The following BMI1 variants were observed in gnomAD, a reference collection of about 807,000 sequenced individuals.
BMI1 encodes the protein polycomb complex protein BMI-1.
In BMI1, 9 loss-of-function variants were observed where a neutral mutation model predicts 39.1. The ratio of observed to expected loss-of-function variants is 0.23; its 90% CI spans 0.14 to 0.40. The LOEUF (loss-of-function observed/expected upper bound fraction) is 0.40. Among genes scored for constraint, BMI1 ranks in the 10% least tolerant of loss-of-function variants. The pLI is 1.00. For missense variants in BMI1, 252 were observed against 390.8 expected, an observed-to-expected ratio of 0.64 and a Z score of 2.99; for synonymous variants, 131 against 127.9, an observed-to-expected ratio of 1.02 and a Z score of -0.16.
At chr10:22,322,631 ACTT>A (rs1836035228) in intron 1 of BMI1, among the ~76,000 whole-genome samples, 1 of 151,922 alleles carries the variant, frequency 6.6e-6, no homozygotes, top group African/African-American at 2.4e-5. Flanking sequence ...CTTTCTCACT[ACTT>A]CTTTTTCTCC....
chr10:22,322,847 A>G (rs1162912291), intron 1 of BMI1, among the ~76,000 whole-genome samples: 1 of 152,216 alleles, frequency 6.6e-6, no homozygotes, highest in Non-Finnish European at 1.5e-5. Flanking sequence ...CTTGACAGTG[A>G]TATGGCATGA....
chr10:22,329,271 G>GTCA lies in BMI1; in HGVS notation c.711_713dup (p.His238dup). 6.2e-7 allele frequency: 1 copy of GTCA among 1,614,156 alleles called. No individual in the cohort carries two copies. Among genetic ancestry groups the GTCA allele is most frequent in the Non-Finnish European group, 8.5e-7 (1 of 1,180,020 alleles). On this transcript the variant is annotated inframe_insertion, in exon 10 of 10. Coordinates refer to ENST00000376663, the MANE Select transcript of BMI1 (RefSeq NM_005180.9). ...CCTACTTGTAAAAGAATGAAGATCA[G>GTCA]TCACCAGAGAGATGGACTGACAAAT...
chr10:22,326,757 C>T, intron 2 of BMI1, 133 bp from the exon 3 acceptor site: 2 of 1,328,676 alleles, frequency 1.5e-6, no homozygotes, highest in Non-Finnish European at 2.1e-6. Flanking sequence ...TATGTGTTCT[C>T]AGGATATGAA....
chr10:22,327,502 A>T (rs996205856), intron 3 of BMI1, 93 bp from the exon 4 acceptor site: 19 of 1,297,130 alleles, frequency 1.5e-5, no homozygotes, highest in Admixed American at 4.7e-5. Context: ...ATCAAGTAAA[A>T]TATTATAGCA....
At position 22,329,042 on chromosome 10, in the gene BMI1, C is replaced by T; in HGVS notation, c.571-6C>T. The T allele has an allele frequency of 6.3e-7, 1 of 1,585,858 alleles. No individual in the cohort carries two copies. Among genetic ancestry groups the T allele is most frequent in the Non-Finnish European group, 8.6e-7 (1 of 1,169,286 alleles). On this transcript the variant is annotated splice_region_variant and splice_polypyrimidine_tract_variant and intron_variant, in intron 8 of 9. Coordinates refer to ENST00000376663, the MANE Select transcript of BMI1 (RefSeq NM_005180.9). ...TTTATTACTTAATAAAAATATTTTT[C>T]ACTAGATTGATGTCATGTATGAGGA...
At chr10:22,326,835 A>G in intron 2 of BMI1, 55 bp from the exon 3 acceptor site, 9 of 1,595,390 alleles carry the variant, frequency 5.6e-6, no homozygotes, top group Non-Finnish European at 6.0e-6. Context: ...TCTAACACCA[A>G]TGATTTATCC....
At chr10:22,323,918 A>G (rs1360402199) in intron 1 of BMI1, among the ~76,000 whole-genome samples, 1 of 152,274 alleles carries the variant, frequency 6.6e-6, no homozygotes, top group African/African-American at 2.4e-5. Context: ...TTCAAAGGGC[A>G]TAAAAACATA....
intron 1 of BMI1, among the ~76,000 whole-genome samples, chr10:22,322,817 T>C (rs893837613): frequency 6.6e-6 from 1 of 152,216 alleles, no homozygotes; most frequent in Non-Finnish European, 1.5e-5. Context: ...TGATTGCATA[T>C]GTTTACGCAG....
In BMI1 at chr10:22,327,887, CTT is replaced by C. The variant is rs1836195125; in HGVS notation, c.317-62_317-61del. The stretch of plus-strand genomic sequence containing the variant: ...AAATTGACTTTACCACTTCCATCCT[CTT>C]ATATATAAAATTTATTAGGCATCTG... On this transcript the variant is annotated intron_variant, in intron 5 of 9. Transcript: ENST00000376663. 5.0e-6 allele frequency: 8 copies of C among 1,584,692 alleles called. No homozygotes were observed. The South Asian group carries it at 5.8e-5, about 12-fold the overall frequency.
At position 22,326,904 on chromosome 10, in the gene BMI1, A is replaced by G. The variant is rs1023927369; in HGVS notation, c.127A>G (p.Ile43Val). The change falls in exon 3 of 10, where the codon ATT becomes GTT. Residue 43 changes from isoleucine to valine, a missense_variant. Coordinates refer to ENST00000376663, the MANE Select transcript of BMI1 (RefSeq NM_005180.9). Reference sequence around the variant, plus strand: ...TCTACTTCTAGTCTGTAAAACGTGTATTGTTCGTTACCTGGAGACCAGCAA... The same window carrying G: ...TCTACTTCTAGTCTGTAAAACGTGTGTTGTTCGTTACCTGGAGACCAGCAA... ...ECLHSFCKTC[I>V]VRYLETSKYC... The G allele has an allele frequency of 1.2e-6, 2 of 1,614,042 alleles. No individual in the cohort carries two copies. The highest frequency in any genetic ancestry group is 1.7e-6 in the Non-Finnish European group (2 of 1,179,936).
downstream of BMI1, among the ~76,000 whole-genome samples, chr10:22,331,670 C>G (rs991139348): frequency 6.6e-6 from 1 of 151,996 alleles, no homozygotes; most frequent in South Asian, 2.1e-4. Flanking sequence ...TACATAAAAC[C>G]AAGTTATCAA....
chr10:22,328,123 C>T lies in BMI1; in HGVS notation c.426-11C>T. ...TTAGATTGTTTCACTAATAAATTTT[C>T]TCTTTATTAGATTGGATCGGAAAGT... On this transcript the variant is annotated splice_polypyrimidine_tract_variant and intron_variant, in intron 6 of 9. Coordinates refer to ENST00000376663, the MANE Select transcript of BMI1 (RefSeq NM_005180.9). 1.3e-6 allele frequency: 2 copies of T among 1,597,292 alleles called. No homozygotes were observed. The highest frequency in any genetic ancestry group is 1.7e-6 in the Non-Finnish European group (2 of 1,175,268).
At chr10:22,328,530 G>A (rs376899605) in intron 7 of BMI1, 70 bp from the exon 8 acceptor site, 30 of 1,487,298 alleles carry the variant, frequency 2.0e-5, no homozygotes, top group Admixed American at 1.1e-4. Flanking sequence ...TTATATTCAA[G>A]CAATCAAATT....
At position 22,328,268 on chromosome 10, in the gene BMI1, G is replaced by C. The variant is rs1836204005; in HGVS notation, c.471+89G>C. On this transcript the variant is annotated intron_variant, in intron 7 of 9. Coordinates refer to ENST00000376663, the MANE Select transcript of BMI1 (RefSeq NM_005180.9). ...ATTGTGTTGCCCTTTAGAATATTAGGCTGTTAAATAGAAGAAAATGGTCAT... is the reference window on the plus strand; with the variant it reads ...ATTGTGTTGCCCTTTAGAATATTAGCCTGTTAAATAGAAGAAAATGGTCAT... 9.2e-6 allele frequency: 13 copies of C among 1,419,652 alleles called. No homozygotes were observed. In the Admixed American group the frequency reaches 1.6e-4, roughly 17 times the overall value. 87.9% of individuals were successfully genotyped at this position (1,419,652 alleles called of 1,614,324 possible).
rs1158484196 is a variant in BMI1, at chr10:22,329,411, CCA to C, written c.853_854del (p.Gln285ValfsTer18). On this transcript the variant is annotated frameshift_variant, in exon 10 of 10. Transcript: ENST00000376663. LOFTEE classifies it high-confidence loss of function. ...SPSTPVQSPH[P>X]QFPHISSTMN... ...CAGTACTCCAGTGCAGTCTCCTCATCCACAGTTTCCTCACATTTCCAGTACTA... is the reference window on the plus strand; with the variant it reads ...CAGTACTCCAGTGCAGTCTCCTCATCCAGTTTCCTCACATTTCCAGTACTA... 2 of 1,614,174 alleles carry C rather than the reference CCA, an allele frequency of 1.2e-6. No individual in the cohort carries two copies. The highest frequency in any genetic ancestry group is 8.5e-7 in the Non-Finnish European group (1 of 1,180,030).
intron 8 of BMI1, 140 bp downstream of exon 8, chr10:22,328,838 A>G (rs1836220586): frequency 6.9e-6 from 7 of 1,011,350 alleles, no homozygotes; most frequent in Non-Finnish European, 8.4e-6. Flanking sequence ...ATCTTAAAAC[A>G]TTTGGTATAC....
rs188095956 is a variant in BMI1, at chr10:22,330,555, C to T, written c.*1013C>T. 7 of 152,186 alleles carry T rather than the reference C, an allele frequency of 4.6e-5. No individual in the cohort carries two copies. The highest frequency in any genetic ancestry group is 8.8e-5 in the Non-Finnish European group (6 of 67,964). 9.4% of individuals were successfully genotyped at this position (152,186 alleles called of 1,614,324 possible). A position where few individuals can be genotyped will look rare whatever the true frequency, so the allele number is the denominator to read the frequency against. On this transcript the variant is annotated 3_prime_UTR_variant, in exon 10 of 10. Coordinates refer to ENST00000376663, the MANE Select transcript of BMI1 (RefSeq NM_005180.9). ...ACCTTTAACTGAGAAATATGGAAAC[C>T]GTCTTAATTTTCCATTGGCTATGAT...
rs1836268996 is a variant in BMI1, at chr10:22,330,930, G to C, written c.*1388G>C. ...CATCACCCATCAGTTATTTGTGAGG[G>C]TGTTTATTCTATATGAATATTGTTT... On this transcript the variant is annotated 3_prime_UTR_variant, in exon 10 of 10. Transcript: ENST00000376663. 1.3e-5 allele frequency: 2 copies of C among 152,490 alleles called. No homozygotes were observed. Among genetic ancestry groups the C allele is most frequent in the South Asian group, 4.1e-4 (2 of 4,826 alleles). 9.4% of individuals were successfully genotyped at this position (152,490 alleles called of 1,614,324 possible). A position where few individuals can be genotyped will look rare whatever the true frequency, so the allele number is the denominator to read the frequency against.
chr10:22,321,219 A>G lies in BMI1; in HGVS notation c.-497A>G, dbSNP rs1320882351. The G allele has an allele frequency of 6.7e-6, 1 of 149,198 alleles. No homozygotes were observed. Among genetic ancestry groups the G allele is most frequent in the Non-Finnish European group, 1.5e-5 (1 of 67,252 alleles). 9.2% of individuals were successfully genotyped at this position (149,198 alleles called of 1,614,324 possible). On this transcript the variant is annotated 5_prime_UTR_variant, in exon 1 of 10. An upstream start codon of the reference 5' UTR is lost. Coordinates refer to ENST00000376663, the MANE Select transcript of BMI1 (RefSeq NM_005180.9). ...CCCGCCCGCCTCCCCCACAGCAACT[A>G]TGAAATAATCGTAGTATGAGAGGCA...
Sources: gnomAD v4.1 joint callset for allele counts (sites outside exome capture counted in the v4.1 genomes callset) on GRCh38, gnomAD v4.1.1 for gene constraint, MANE v1.5 for transcripts, NCBI Gene and HGNC (gene_info 2026-07-23, HGNC 2026-07-21) for gene names.